ZKSCAN2: variants seen among roughly 807,000 people sequenced by gnomAD.
ZKSCAN2 encodes the protein zinc finger with KRAB and SCAN domains 2, also known as zinc finger protein with KRAB and SCAN domains 2.
ZKSCAN2 carries 38 observed loss-of-function variants against 90.5 expected under a neutral mutation model. That is an observed-to-expected ratio of 0.42 (90% confidence interval 0.32 to 0.55). ZKSCAN2 has a LOEUF of 0.55. Among genes scored for constraint, ZKSCAN2 ranks in the 20% least tolerant of loss-of-function variants. ZKSCAN2 has a pLI of 0.11. For missense variants in ZKSCAN2, 1,167 were observed against 1,202.6 expected, an observed-to-expected ratio of 0.97 and a Z score of 0.44; for synonymous variants, 429 against 421.6, an observed-to-expected ratio of 1.02 and a Z score of -0.22.
chr16:25,239,392 T>C lies in ZKSCAN2; in HGVS notation c.*424A>G, dbSNP rs1962813419. The C allele has an allele frequency of 6.3e-6, 1 of 158,264 alleles. No homozygotes were observed. The highest frequency in any genetic ancestry group is 1.4e-5 in the Non-Finnish European group (1 of 71,598). The allele number at this position is 158,264 out of a possible 1,614,324, so 9.8% of individuals were successfully genotyped here. A position where few individuals can be genotyped will look rare whatever the true frequency, so the allele number is the denominator to read the frequency against. ...GTTCCGATCAGACTCCTCAAAGTTC[T>C]ATCTAAATGTGAAAATCTGTTATCA... On this transcript the variant is annotated 3_prime_UTR_variant, in exon 7 of 7. Coordinates refer to ENST00000328086, the MANE Select transcript of ZKSCAN2 (RefSeq NM_001012981.5).
chr16:25,239,965 G>A lies in ZKSCAN2; in HGVS notation c.2755C>T (p.Gln919Ter), dbSNP rs762599191. 2 of 1,614,196 alleles carry A rather than the reference G, an allele frequency of 1.2e-6. No homozygotes were observed. The highest frequency in any genetic ancestry group is 1.7e-6 in the Non-Finnish European group (2 of 1,180,026). ...CTCTTACTGAAACGTTTGCCACACT[G>A]GGCACATCCATAGGGCTTCTCTCCA... The part of the protein sequence containing the change: ...HTGEKPYGCA[Q>*]CGKRFSKSSV... The change falls in exon 7 of 7, where the codon CAG becomes TAG. Residue 919 changes from glutamine to a stop codon, truncating the protein, a stop_gained. Transcript: ENST00000328086. LOFTEE classifies it low-confidence loss of function (END_TRUNC).
intron 4 of ZKSCAN2, among the ~76,000 whole-genome samples, 177 bp from the exon 5 acceptor site, chr16:25,247,567 G>A (rs74015624): frequency 0.024 from 3,613 of 152,068 alleles, 141 homozygotes; most frequent in African/African-American, 0.082. Context: ...TAACTTACAC[G>A]ATCATTTTAC....
In ZKSCAN2 at chr16:25,255,153, C is replaced by A. The variant is rs559987539; in HGVS notation, c.586+53G>T. Reference sequence around the variant, plus strand: ...GCACATTCACAGCGTTGGGGTACTGCGGAAATCTGCCCCAGCCTCTGCACT... The same window carrying A: ...GCACATTCACAGCGTTGGGGTACTGAGGAAATCTGCCCCAGCCTCTGCACT... On this transcript the variant is annotated intron_variant, in intron 2 of 6. Coordinates refer to ENST00000328086, the MANE Select transcript of ZKSCAN2 (RefSeq NM_001012981.5). The A allele has an allele frequency of 3.3e-6, 5 of 1,530,366 alleles. No individual in the cohort carries two copies. In the East Asian group the frequency reaches 6.9e-5, roughly 21 times the overall value. The allele number at this position is 1,530,366 out of a possible 1,614,324, so 94.8% of individuals were successfully genotyped here. A position where few individuals can be genotyped will look rare whatever the true frequency, so the allele number is the denominator to read the frequency against.
At position 25,246,815 on chromosome 16, in the gene ZKSCAN2, C is replaced by A. The variant is rs765813907; in HGVS notation, c.1381G>T (p.Val461Leu). 3.1e-6 allele frequency: 5 copies of A among 1,614,200 alleles called. No homozygotes were observed. The highest frequency in any genetic ancestry group is 2.2e-5 in the South Asian group (2 of 91,084). ...TCTTCTGCAGCTTCCTCCTCCTCCA[C>A]CAAGCTGATGTGTTCCTTAGCACTG... ...AISAKEHISLVEEEEAAEDSD... is the reference protein window; with the variant it reads ...AISAKEHISLLEEEEAAEDSD... Residue 461 changes from valine (V) to leucine (L), a missense_variant, in exon 5 of 7, where the codon GTG becomes TTG. Val to Leu is a conservative substitution (Grantham distance 32). Coordinates refer to ENST00000328086, the MANE Select transcript of ZKSCAN2 (RefSeq NM_001012981.5).
chr16:25,257,643 C>G lies in ZKSCAN2; in HGVS notation c.-516G>C, dbSNP rs921267392. 1.7e-5 allele frequency: 6 copies of G among 353,786 alleles called. No individual in the cohort carries two copies. In the East Asian group the frequency reaches 5.0e-4, roughly 30 times the overall value. 21.9% of individuals were successfully genotyped at this position (353,786 alleles called of 1,614,324 possible). On this transcript the variant is annotated 5_prime_UTR_variant, in exon 1 of 7. Coordinates refer to ENST00000328086, the MANE Select transcript of ZKSCAN2 (RefSeq NM_001012981.5). The stretch of plus-strand genomic sequence containing the variant: ...CGGGTGCCGCTGGGGCCGCCGGATT[C>G]CGAGAGCGGCGCCGGGCTCTTTCGG...
intron 4 of ZKSCAN2, among the ~76,000 whole-genome samples, chr16:25,248,282 CAAAAA>C (rs55673563): frequency 1.7e-4 from 4 of 23,218 alleles, no homozygotes; most frequent in African/African-American, 6.2e-4. Context: ...TTCTATACAG[CAAAAA>C]AAAAAAAAAA....
intron 4 of ZKSCAN2, among the ~76,000 whole-genome samples, chr16:25,249,066 T>G (rs1346432255): frequency 1.3e-5 from 2 of 152,202 alleles, no homozygotes; most frequent in Admixed American, 1.3e-4. Context: ...CTCACTTTTT[T>G]GGCAGTATCT....
chr16:25,254,006 AAAAATAAAAT>A lies in ZKSCAN2; in HGVS notation c.587-979_587-970del, dbSNP rs146119806. ...CTGGAACAAGACTCCACCTCAAAGAAAAAATAAAATAAAATAAAATAAAATAAAGATGAGA... is the reference window on the plus strand; with the variant it reads ...CTGGAACAAGACTCCACCTCAAAGAAAAAATAAAATAAAATAAAGATGAGA... On this transcript the variant is annotated intron_variant, in intron 2 of 6. Coordinates refer to ENST00000328086, the MANE Select transcript of ZKSCAN2 (RefSeq NM_001012981.5). Among the ~76,000 whole-genome samples, 4 of 151,406 alleles carry A rather than the reference AAAAATAAAAT, an allele frequency of 2.6e-5. 1 individual carries two copies. Among genetic ancestry groups the A allele is most frequent in the Non-Finnish European group, 5.9e-5 (4 of 67,924 alleles).
rs140368025 is a variant in ZKSCAN2, at chr16:25,246,787, G to T, written c.1409C>A (p.Ser470Tyr). Residue 470 changes from serine to tyrosine, a missense_variant, in exon 5 of 7, where the codon TCT (serine) becomes TAT (tyrosine). By Grantham distance (144) the Ser-to-Tyr change is moderately radical. Coordinates refer to ENST00000328086, the MANE Select transcript of ZKSCAN2 (RefSeq NM_001012981.5). ...TTCGATGCCTATTTCATCATCATCA[G>T]AATCTTCTGCAGCTTCCTCCTCCTC... The part of the protein sequence containing the change: ...LVEEEEAAED[S>Y]DDDEIGIEFI... 1 of 1,614,192 alleles carries T rather than the reference G, an allele frequency of 6.2e-7. No individual in the cohort carries two copies. The highest frequency in any genetic ancestry group is 8.5e-7 in the Non-Finnish European group (1 of 1,180,044).
In ZKSCAN2 at chr16:25,238,037, C is replaced by T. The variant is rs1170842148; in HGVS notation, c.*1779G>A. 1 of 152,204 alleles carries T rather than the reference C, an allele frequency of 6.6e-6. No individual in the cohort carries two copies. The highest frequency in any genetic ancestry group is 1.5e-5 in the Non-Finnish European group (1 of 68,040). The allele number at this position is 152,204 out of a possible 1,614,324, so 9.4% of individuals were successfully genotyped here. A position where few individuals can be genotyped will look rare whatever the true frequency, so the allele number is the denominator to read the frequency against. Reference sequence around the variant, plus strand: ...ATTTCCAACAAATGTAAATCAGAAACATTTATCAATGTCTACCTGAGTCAC... The same window carrying T: ...ATTTCCAACAAATGTAAATCAGAAATATTTATCAATGTCTACCTGAGTCAC... On this transcript the variant is annotated 3_prime_UTR_variant, in exon 7 of 7. Transcript: ENST00000328086.
In ZKSCAN2 at chr16:25,255,321, T is replaced by C. The variant is rs200945690; in HGVS notation, c.471A>G (p.Pro157=). ...CCCTGGGTTGGGTCTCCACCTGCTC[T>C]GGCTGGAAGTCTGCCACCTCCCACG... is the stretch of plus-strand genomic sequence containing the variant. The part of the protein sequence containing the change: ...GAAWEVADFQ[P]EQVETQPRAV... The change falls in exon 2 of 7, where the codon CCA becomes CCG. Residue 157 remains proline (P), a synonymous_variant. Coordinates refer to ENST00000328086, the MANE Select transcript of ZKSCAN2 (RefSeq NM_001012981.5). The C allele has an allele frequency of 8.1e-6, 13 of 1,613,824 alleles. No individual in the cohort carries two copies. In the African/African-American group the frequency reaches 1.5e-4, roughly 18 times the overall value.
Position 25,257,095 on chromosome 16 carries a change from C to T in ZKSCAN2, c.33G>A (p.Ala11=). ...TTAGGCATCCCTCAACCTCCAGGGG[C>T]GCGTCGATCTGAGAGTCGAGGGCGA... MAVALDSQID[A]PLEVEGCLIM... Residue 11 remains alanine, a synonymous_variant, in exon 1 of 7, where the codon GCG becomes GCA. Coordinates refer to ENST00000328086, the MANE Select transcript of ZKSCAN2 (RefSeq NM_001012981.5). 6.2e-7 allele frequency: 1 copy of T among 1,609,378 alleles called. No individual in the cohort carries two copies. Among genetic ancestry groups the T allele is most frequent in the East Asian group, 2.2e-5 (1 of 44,798 alleles).
intron 4 of ZKSCAN2, 100 bp from the exon 5 acceptor site, chr16:25,247,490 C>T (rs1962952475): frequency 1.1e-6 from 1 of 951,740 alleles, no homozygotes; most frequent in Non-Finnish European, 1.6e-6. Context: ...TTGTTCACAC[C>T]CAAACCTTCC....
chr16:25,255,278 G>T lies in ZKSCAN2; in HGVS notation c.514C>A (p.Pro172Thr). ...TQPRAVSREE[P>T]GSLHSGHQEQ... ...TGGTGTCCTGAGTGGAGGCTTCCAG[G>T]TTCCTCCCGAGACACCGCCCTGGGT... Residue 172 changes from proline (P) to threonine (T), a missense_variant, in exon 2 of 7, where the codon CCT becomes ACT. Pro to Thr is a conservative substitution (Grantham distance 38, BLOSUM62 -1). Transcript: ENST00000328086. The T allele has an allele frequency of 6.2e-7, 1 of 1,613,644 alleles. No homozygotes were observed. Among genetic ancestry groups the T allele is most frequent in the Non-Finnish European group, 8.5e-7 (1 of 1,179,898 alleles).
Position 25,239,952 on chromosome 16 carries a change from C to A in ZKSCAN2, c.2768G>T (p.Arg923Leu), listed in dbSNP as rs878895014. The A allele has an allele frequency of 6.2e-7, 1 of 1,614,174 alleles. No individual in the cohort carries two copies. The change falls in exon 7 of 7, where the codon CGT (arginine) becomes CTT (leucine). Residue 923 changes from arginine (R) to leucine (L), a missense_variant. Physicochemically the swap from Arg to Leu is moderately radical, Grantham distance 102. Transcript: ENST00000328086. ...KPYGCAQCGKRFSKSSVLTKH... is the reference protein window; with the variant it reads ...KPYGCAQCGKLFSKSSVLTKH... ...GGTAAGAACAGAACTCTTACTGAAACGTTTGCCACACTGGGCACATCCATA... is the reference window on the plus strand; with the variant it reads ...GGTAAGAACAGAACTCTTACTGAAAAGTTTGCCACACTGGGCACATCCATA...
In ZKSCAN2 at chr16:25,239,766, G is replaced by C. The variant is rs1962818142; in HGVS notation, c.*50C>G. ...CTAAGAAAAGATTGCTTCCAAGAATGAGATTAGGGTAAAATGGCTAAGGGG... is the reference window on the plus strand; with the variant it reads ...CTAAGAAAAGATTGCTTCCAAGAATCAGATTAGGGTAAAATGGCTAAGGGG... On this transcript the variant is annotated 3_prime_UTR_variant, in exon 7 of 7. Transcript: ENST00000328086. 9.0e-6 allele frequency: 13 copies of C among 1,450,014 alleles called. No homozygotes were observed. Among genetic ancestry groups the C allele is most frequent in the Non-Finnish European group, 1.0e-5 (11 of 1,073,844 alleles). The allele number at this position is 1,450,014 out of a possible 1,614,324, so 89.8% of individuals were successfully genotyped here. A position where few individuals can be genotyped will look rare whatever the true frequency, so the allele number is the denominator to read the frequency against.
Position 25,252,026 on chromosome 16 carries a change from T to TA in ZKSCAN2, c.687_688insT (p.Lys230Ter). ...AAGCCTCTGGCCACGTGGACATCTT[T>TA]CACTGGTTCCTGTAATGACACTAAC... On this transcript the variant is annotated frameshift_variant, in exon 4 of 7. Coordinates refer to ENST00000328086, the MANE Select transcript of ZKSCAN2 (RefSeq NM_001012981.5). LOFTEE classifies it high-confidence loss of function. 1 of 1,614,110 alleles carries TA rather than the reference T, an allele frequency of 6.2e-7. No homozygotes were observed. Among genetic ancestry groups the TA allele is most frequent in the Non-Finnish European group, 8.5e-7 (1 of 1,179,996 alleles).
Position 25,252,899 on chromosome 16 carries a change from C to CA in ZKSCAN2, c.678+46dup, listed in dbSNP as rs535629189. ...CGCCACTGTACTCCACCGTGGGTGACAGAGTGAGACTCCATCTCAAAGAAA... is the reference window on the plus strand; with the variant it reads ...CGCCACTGTACTCCACCGTGGGTGACAAGAGTGAGACTCCATCTCAAAGAAA... On this transcript the variant is annotated intron_variant, in intron 3 of 6. Transcript: ENST00000328086. 8.9e-5 allele frequency: 131 copies of CA among 1,469,042 alleles called. No individual in the cohort carries two copies. The African/African-American group carries it at 1.5e-3, about 17-fold the overall frequency. The allele number at this position is 1,469,042 out of a possible 1,614,324, so 91.0% of individuals were successfully genotyped here.
At position 25,247,269 on chromosome 16, in the gene ZKSCAN2, C is replaced by A. The variant is rs1428443710; in HGVS notation, c.927G>T (p.Lys309Asn). The A allele has an allele frequency of 6.2e-7, 1 of 1,614,222 alleles. No individual in the cohort carries two copies. Among genetic ancestry groups the A allele is most frequent in the East Asian group, 2.2e-5 (1 of 44,888 alleles). ...CAGGGACCTGAATAGCATGAACTGA[C>A]TTTTCCTTGACGTAGTTGCTTCGTA... ...SILRSNYVKE[K>N]SVHAIQVPAR... Residue 309 changes from lysine (K) to asparagine (N), a missense_variant, in exon 5 of 7, where the codon AAG (lysine) becomes AAT (asparagine). Lys to Asn is a moderately conservative substitution (Grantham distance 94). Transcript: ENST00000328086.
Sources: allele counts gnomAD v4.1 joint callset (sites outside exome capture counted in the v4.1 genomes callset), GRCh38; gene constraint gnomAD v4.1.1; transcripts MANE v1.5; gene names NCBI Gene and HGNC (gene_info 2026-07-23, HGNC 2026-07-21).